The following GRIK4 variants were observed in gnomAD, a reference collection of about 807,000 sequenced individuals.
GRIK4 encodes glutamate ionotropic receptor kainate type subunit 4, also known as glutamate receptor ionotropic, kainate 4.
Under a neutral mutation model 104.9 loss-of-function variants are expected in GRIK4, and 40 were observed. The observed-to-expected ratio is 0.38, with a 90% CI of 0.30 to 0.50. GRIK4 has a LOEUF of 0.50. Ranked by LOEUF, GRIK4 falls within the 20% of genes least tolerant of loss-of-function variation. The probability of loss-of-function intolerance (pLI) is 0.93; values close to 1 mark genes in which losing one functional copy is unlikely to be tolerated. For missense variants in GRIK4, 1,047 were observed against 1,308.1 expected (o/e 0.80, Z 3.08); for synonymous variants, 485 against 524.9 (o/e 0.92, Z 1.04).
intron 3 of GRIK4, among the ~76,000 whole-genome samples, chr11:120,798,157 CTTTTTTTTTTTTT>C (rs539833846): frequency 4.6e-4 from 31 of 68,122 alleles, no homozygotes; most frequent in African/African-American, 1.5e-3. Flanking sequence ...TCTGCTGTCT[CTTTTTTTTTTTTT>C]TTTTTTTTTT....
intron 16 of GRIK4, among the ~76,000 whole-genome samples, chr11:120,959,349 A>G (rs1591334085): frequency 6.6e-6 from 1 of 152,186 alleles, no homozygotes; most frequent in Non-Finnish European, 1.5e-5. Context: ...ACTCCTGGGG[A>G]GGCAGCCAGC....
intron 3 of GRIK4, among the ~76,000 whole-genome samples, chr11:120,775,972 TGCA>T (rs1952033856): frequency 6.6e-6 from 1 of 152,202 alleles, no homozygotes; most frequent in African/African-American, 2.4e-5. Flanking sequence ...GGCTGCATCC[TGCA>T]GTGGCTGATT....
rs565749463 is a variant in GRIK4 at position 120,669,711 on chromosome 11, G to T, written c.82+9311G>T. On this transcript the variant is annotated intron_variant, in intron 3 of 20. Coordinates refer to ENST00000527524, the MANE Select transcript of GRIK4 (RefSeq NM_014619.5). The stretch of plus-strand genomic sequence containing the variant: ...CCATCTTGTTCTTGCACTGTTTCTG[G>T]CTATTCCTTCTCAGTCTCCTTTGCT... 3.3e-5 allele frequency among the ~76,000 whole-genome samples: 5 copies of T among 152,296 alleles called. No individual in the cohort carries two copies. The East Asian group carries it at 9.7e-4, about 29-fold the overall frequency.
At position 120,582,070 on chromosome 11, in the gene GRIK4, G is replaced by A. The variant is rs1433408947; in HGVS notation, c.-159+70183G>A. On this transcript the variant is annotated intron_variant, in intron 1 of 20. Coordinates refer to ENST00000527524, the MANE Select transcript of GRIK4 (RefSeq NM_014619.5). Reference sequence around the variant, plus strand: ...GATCTGCCTGCCTCAGCCTCCCAAAGTGCTGGGATTACAGGCATGAGCCAC... The same window carrying A: ...GATCTGCCTGCCTCAGCCTCCCAAAATGCTGGGATTACAGGCATGAGCCAC... Among the ~76,000 whole-genome samples, 4 of 151,362 alleles carry A rather than the reference G, an allele frequency of 2.6e-5. No individual in the cohort carries two copies. The East Asian group carries it at 7.7e-4, about 29-fold the overall frequency.
At chr11:120,683,745 T>C (rs1000208902) in intron 3 of GRIK4, among the ~76,000 whole-genome samples, 47 of 152,270 alleles carry the variant, frequency 3.1e-4, no homozygotes, top group African/African-American at 1.1e-3. Flanking sequence ...AGCCAAGACA[T>C]TGTAACTGGA....
chr11:120,873,921 G>A (rs1484972102), intron 9 of GRIK4, 145 bp from the exon 10 acceptor site: 2 of 705,366 alleles, frequency 2.8e-6, no homozygotes, highest in African/African-American at 3.6e-5. Flanking sequence ...CAGGACGTGG[G>A]CCAAGGGTGA....
chr11:120,835,240 A>G (rs970051057), intron 7 of GRIK4, among the ~76,000 whole-genome samples: 3 of 152,204 alleles, frequency 2.0e-5, no homozygotes, highest in African/African-American at 4.8e-5. Flanking sequence ...TAAGAATCCT[A>G]TAAGATTACA....
chr11:120,588,125 A>G (rs1471983431), intron 1 of GRIK4, among the ~76,000 whole-genome samples: 4 of 152,124 alleles, frequency 2.6e-5, no homozygotes, highest in Non-Finnish European at 5.9e-5. Context: ...GGGGCACGAG[A>G]CAGAGATGTC....
At chr11:120,670,040 C>T (rs1204330116) in intron 3 of GRIK4, among the ~76,000 whole-genome samples, 1 of 152,210 alleles carries the variant, frequency 6.6e-6, no homozygotes, top group Non-Finnish European at 1.5e-5. Context: ...GCCATTCTAT[C>T]TCTGTGGACA....
At chr11:120,658,072 G>C (rs1949742066) in intron 2 of GRIK4, among the ~76,000 whole-genome samples, 1 of 152,088 alleles carries the variant, frequency 6.6e-6, no homozygotes, top group Non-Finnish European at 1.5e-5. Context: ...TCTGTCTCTA[G>C]AATGTGTAAT....
At chr11:120,900,436 A>G (rs920239252) in intron 12 of GRIK4, among the ~76,000 whole-genome samples, 3 of 152,146 alleles carry the variant, frequency 2.0e-5, no homozygotes, top group Non-Finnish European at 2.9e-5. Context: ...TATGCTGGGC[A>G]CTGTTGTAGG....
chr11:120,583,972 G>T (rs557064256), intron 1 of GRIK4, among the ~76,000 whole-genome samples: 5 of 152,210 alleles, frequency 3.3e-5, no homozygotes, highest in Admixed American at 6.5e-5. Flanking sequence ...TCTTTTTGTG[G>T]CTATTGTGAA....
intron 5 of GRIK4, among the ~76,000 whole-genome samples, chr11:120,816,386 C>T (rs544717388): frequency 2.2e-4 from 33 of 151,430 alleles, no homozygotes; most frequent in Middle Eastern, 3.4e-3. Context: ...GGTGGTCAGG[C>T]ATGAGGTCAG....
intron 16 of GRIK4, among the ~76,000 whole-genome samples, chr11:120,959,409 T>C (rs1206518613): frequency 6.6e-6 from 1 of 151,950 alleles, no homozygotes; most frequent in Non-Finnish European, 1.5e-5. Flanking sequence ...CTGCTGCTCT[T>C]GAAAATCTAC....
chr11:120,846,039 A>G (rs568265342), intron 8 of GRIK4, among the ~76,000 whole-genome samples: 1 of 152,294 alleles, frequency 6.6e-6, no homozygotes, highest in African/African-American at 2.4e-5. Context: ...TGTGTTTTCC[A>G]AAGCTGCTAA....
rs114346407 is a variant in GRIK4, at chr11:120,910,644, C to A, written c.1476+5151C>A. 7.3e-3 allele frequency among the ~76,000 whole-genome samples: 1,110 copies of A among 152,288 alleles called. 10 individuals carry two copies. The highest frequency in any genetic ancestry group is 0.025 in the African/African-American group (1,034 of 41,546). ...AGGACTAATCCCAGGGGCCCTCTGT[C>A]TCATGCCAGTACATTTACATGGATG... is the stretch of plus-strand genomic sequence containing the variant. On this transcript the variant is annotated intron_variant, in intron 13 of 20. Transcript: ENST00000527524.
At chr11:120,577,792 C>T (rs575248272) in intron 1 of GRIK4, among the ~76,000 whole-genome samples, 14 of 152,258 alleles carry the variant, frequency 9.2e-5, no homozygotes, top group South Asian at 2.1e-4. Context: ...TCCCTGCTGG[C>T]GGCAGGGGCA....
chr11:120,516,330 A>G (rs1235304861), intron 1 of GRIK4, among the ~76,000 whole-genome samples: 1 of 152,150 alleles, frequency 6.6e-6, no homozygotes, highest in East Asian at 1.9e-4. Context: ...GAATGGGGGA[A>G]GGAAGACTCA....
At chr11:120,851,393 C>T (rs531600450) in intron 8 of GRIK4, among the ~76,000 whole-genome samples, 2 of 152,306 alleles carry the variant, frequency 1.3e-5, no homozygotes, top group South Asian at 4.1e-4. Flanking sequence ...GCTCAGCTTT[C>T]AGGTCTCAAC....
Sources: allele counts gnomAD v4.1 joint callset (sites outside exome capture counted in the v4.1 genomes callset), GRCh38; gene constraint gnomAD v4.1.1; transcripts MANE v1.5; gene names NCBI Gene and HGNC (gene_info 2026-07-23, HGNC 2026-07-21).